The following TECPR2 variants were observed in gnomAD, a reference collection of about 807,000 sequenced individuals.
TECPR2 encodes the protein tectonin beta-propeller repeat containing 2.
In TECPR2, 65 loss-of-function variants were observed where a neutral mutation model predicts 138.1. That is an observed-to-expected ratio of 0.47 (90% CI 0.39 to 0.58). TECPR2 has a LOEUF of 0.58. Among genes scored for constraint, TECPR2 ranks in the 20% least tolerant of loss-of-function variants. The pLI, the probability that TECPR2 is intolerant of heterozygous loss-of-function variation, is 0.00. For synonymous variants in TECPR2, 746 were observed against 749.8 expected (o/e 0.99, Z 0.08); for missense variants, 1,553 against 1,824.5 (o/e 0.85, Z 2.71).
At chr14:102,458,433 TG>T (rs1407492939) in intron 16 of TECPR2, among the ~76,000 whole-genome samples, 1 of 152,178 alleles carries the variant, frequency 6.6e-6, no homozygotes, top group Non-Finnish European at 1.5e-5. Flanking sequence ...CCACGTTACA[TG>T]GCTCCACGCT....
intron 17 of TECPR2, among the ~76,000 whole-genome samples, chr14:102,484,379 T>G (rs1197103735): frequency 6.6e-6 from 1 of 152,218 alleles, no homozygotes; most frequent in African/African-American, 2.4e-5. Context: ...GTGTGTTTTC[T>G]GTCTAGTTCG....
intron 17 of TECPR2, among the ~76,000 whole-genome samples, chr14:102,467,925 C>T (rs1890582099): frequency 1.3e-5 from 2 of 151,416 alleles, no homozygotes; most frequent in African/African-American, 4.9e-5. Context: ...CAATCTCTGC[C>T]TCCTGGGTTC....
intron 2 of TECPR2, among the ~76,000 whole-genome samples, chr14:102,381,224 A>G (rs1887806095): frequency 1.3e-5 from 2 of 152,050 alleles, no homozygotes; most frequent in African/African-American, 4.8e-5. Context: ...GCCTCCCAAA[A>G]TGCTGGGATT....
In TECPR2 at chr14:102,407,922, G is replaced by A. The variant is rs142824411; in HGVS notation, c.348+456G>A. Among the ~76,000 whole-genome samples the A allele has an allele frequency of 4.7e-3, 709 of 152,172 alleles. 4 individuals are homozygous for A. Among genetic ancestry groups the A allele is most frequent in the African/African-American group, 0.016 (682 of 41,514 alleles). On this transcript the variant is annotated intron_variant, in intron 3 of 19. Transcript: ENST00000359520. ...TGAGGCAGGAGAATGGCGTGAACCCGGAAGACGGAGCTTGCAGTGAGCGGA... is the reference window on the plus strand; with the variant it reads ...TGAGGCAGGAGAATGGCGTGAACCCAGAAGACGGAGCTTGCAGTGAGCGGA...
rs1020838437 is a variant in TECPR2 at position 102,498,958 on chromosome 14, A to T, written c.*701A>T. 3 of 696,098 alleles carry T rather than the reference A, an allele frequency of 4.3e-6. No individual in the cohort carries two copies. Among genetic ancestry groups the T allele is most frequent in the Admixed American group, 2.0e-5 (1 of 49,706 alleles). The allele number at this position is 696,098 out of a possible 1,614,324, so 43.1% of individuals were successfully genotyped here. On this transcript the variant is annotated 3_prime_UTR_variant, in exon 20 of 20. Transcript: ENST00000359520. The stretch of plus-strand genomic sequence containing the variant: ...ACCACATCTCACCACACCACAGCAC[A>T]CCTCACCACACAACACACCACACCC...
At chr14:102,381,687 G>C (rs1311985639) in intron 2 of TECPR2, among the ~76,000 whole-genome samples, 3 of 152,180 alleles carry the variant, frequency 2.0e-5, no homozygotes, top group Non-Finnish European at 2.9e-5. Flanking sequence ...AACTTAAGAG[G>C]GTTCGTTGCC....
chr14:102,385,257 G>A (rs1485940307), intron 2 of TECPR2, among the ~76,000 whole-genome samples: 2 of 152,080 alleles, frequency 1.3e-5, no homozygotes, highest in Non-Finnish European at 2.9e-5. Flanking sequence ...AACTAATCCA[G>A]TCCTTGGAGA....
intron 1 of TECPR2, among the ~76,000 whole-genome samples, chr14:102,370,101 C>T (rs538094445): frequency 3.8e-4 from 57 of 151,430 alleles, no homozygotes; most frequent in Non-Finnish European, 5.3e-4. Flanking sequence ...GACAGAGTTT[C>T]GCTCTTGTTG....
chr14:102,441,683 TCC>T, intron 11 of TECPR2, among the ~76,000 whole-genome samples: 1 of 152,090 alleles, frequency 6.6e-6, no homozygotes, highest in South Asian at 2.1e-4. Context: ...AGGGCGAGAC[TCC>T]GTCTCAAAAC....
intron 2 of TECPR2, among the ~76,000 whole-genome samples, chr14:102,401,522 G>C: frequency 6.6e-6 from 1 of 151,754 alleles, no homozygotes; most frequent in Non-Finnish European, 1.5e-5. Flanking sequence ...GCTCAAGCCT[G>C]TAATCCCAGC....
chr14:102,434,431 A>G lies in TECPR2; in HGVS notation c.1614A>G (p.Pro538=), dbSNP rs17791240. Residue 538 remains proline, a synonymous_variant, in exon 9 of 20, where the codon CCA becomes CCG. Transcript: ENST00000359520. ...TCAATGGTGAAGTGAACGGTGTCCC[A>G]CAGGAAAATACTGACCCCGAAACGT... is the stretch of plus-strand genomic sequence containing the variant. The part of the protein sequence containing the change: ...SSFNGEVNGV[P]QENTDPETFN... 0.034 allele frequency: 52,168 copies of G among 1,531,524 alleles called. 1,022 individuals carry two copies. The highest frequency in any genetic ancestry group is 0.056 in the African/African-American group (4,049 of 72,238). 94.9% of individuals were successfully genotyped at this position (1,531,524 alleles called of 1,614,324 possible). A position where few individuals can be genotyped will look rare whatever the true frequency, so the allele number is the denominator to read the frequency against.
chr14:102,493,931 T>C (rs956150530), intron 17 of TECPR2, among the ~76,000 whole-genome samples: 1 of 152,146 alleles, frequency 6.6e-6, no homozygotes, highest in Non-Finnish European at 1.5e-5. Flanking sequence ...CATCCAACCC[T>C]TCCCTCTCTC....
At chr14:102,497,493 T>C in intron 18 of TECPR2, 77 bp from the exon 19 acceptor site, 1 of 1,412,682 alleles carries the variant, frequency 7.1e-7, no homozygotes, top group Non-Finnish European at 9.2e-7. Context: ...GTGTGCAGCG[T>C]CACAAGAGTC....
Position 102,377,645 on chromosome 14 carries a change from G to T in TECPR2, c.219+705G>T, listed in dbSNP as rs1887675451. On this transcript the variant is annotated intron_variant, in intron 2 of 19. Coordinates refer to ENST00000359520, the MANE Select transcript of TECPR2 (RefSeq NM_014844.5). ...TGCTTGAACCTGGGAGATGGAGGTT[G>T]CAGTGAGCCAAGATCACACCACTGC... Among the ~76,000 whole-genome samples, 5 of 152,298 alleles carry T rather than the reference G, an allele frequency of 3.3e-5. No homozygotes were observed. In the South Asian group the frequency reaches 1.0e-3, roughly 32 times the overall value.
chr14:102,446,053 A>C, intron 13 of TECPR2, 106 bp downstream of exon 13: 1 of 1,279,794 alleles, frequency 7.8e-7, no homozygotes. Context: ...AATTTAAAAT[A>C]CTCACTTTTT....
At position 102,363,100 on chromosome 14, in the gene TECPR2, A is replaced by T. The variant is rs561156762; in HGVS notation, c.-89A>T. 234 of 427,102 alleles carry T rather than the reference A, an allele frequency of 5.5e-4. No individual in the cohort carries two copies. The highest frequency in any genetic ancestry group is 4.6e-3 in the African/African-American group (221 of 48,028). 26.5% of individuals were successfully genotyped at this position (427,102 alleles called of 1,614,324 possible). ...GGCCCGGCGGGGCCGACGAGTCCGG[A>T]GGGGCTGCCGCGGGAGGTGAGTCCG... is the stretch of plus-strand genomic sequence containing the variant. On this transcript the variant is annotated 5_prime_UTR_variant, in exon 1 of 20. Transcript: ENST00000359520.
chr14:102,434,677 C>T lies in TECPR2; in HGVS notation c.1860C>T (p.Ser620=). The T allele has an allele frequency of 2.5e-6, 4 of 1,611,864 alleles. No individual in the cohort carries two copies. In the South Asian group the frequency reaches 4.4e-5, roughly 18 times the overall value. Residue 620 remains serine (S), a synonymous_variant, in exon 9 of 20, where the codon AGC becomes AGT. Transcript: ENST00000359520. ...STQLPFQEQD[S]SPGAHDGEDI... is the part of the protein sequence containing the mutation. The stretch of plus-strand genomic sequence containing the variant: ...AGTTACCCTTCCAAGAACAGGACAG[C>T]TCTCCTGGGGCGCATGATGGGGAAG...
intron 2 of TECPR2, among the ~76,000 whole-genome samples, chr14:102,402,579 A>G (rs1175716960): frequency 6.6e-6 from 1 of 152,174 alleles, no homozygotes; most frequent in African/African-American, 2.4e-5. Flanking sequence ...ACTAGAAAAC[A>G]ATAGAGAAAA....
At chr14:102,371,616 G>A (rs1444176956) in intron 1 of TECPR2, among the ~76,000 whole-genome samples, 7 of 152,208 alleles carry the variant, frequency 4.6e-5, no homozygotes, top group Middle Eastern at 3.2e-3. Flanking sequence ...TTGGAAAAAC[G>A]TGTGAGGCAT....
Sources: allele counts gnomAD v4.1 joint callset (sites outside exome capture counted in the v4.1 genomes callset), GRCh38; gene constraint gnomAD v4.1.1; transcripts MANE v1.5; gene names NCBI Gene and HGNC (gene_info 2026-07-23, HGNC 2026-07-21).